DNAJC12: variants seen among roughly 807,000 people sequenced by gnomAD.
DNAJC12 encodes the protein DnaJ heat shock protein family (Hsp40) member C12.
DNAJC12 carries 25 observed loss-of-function variants against 28.5 expected under a neutral mutation model. The observed-to-expected ratio is 0.88, with a 90% CI of 0.64 to 1.22. The LOEUF (loss-of-function observed/expected upper bound fraction) is 1.22, where lower values mean the gene tolerates loss of function less well. Ranked by LOEUF, DNAJC12 falls within the 50% of genes most tolerant of loss-of-function variation. The pLI is 0.00. For synonymous variants in DNAJC12, 77 were observed against 80.6 expected (o/e 0.95, Z 0.24); for missense variants, 222 against 231.7 (o/e 0.96, Z 0.27).
At chr10:67,826,640 A>T (rs1272958259) in intron 1 of DNAJC12, among the ~76,000 whole-genome samples, 2 of 132,950 alleles carry the variant, frequency 1.5e-5, no homozygotes, top group African/African-American at 5.6e-5. Flanking sequence ...ATTATATATA[A>T]GATATCTAAT....
intron 2 of DNAJC12, among the ~76,000 whole-genome samples, chr10:67,814,367 G>A (rs1841892994): frequency 6.6e-6 from 1 of 151,620 alleles, no homozygotes; most frequent in South Asian, 2.1e-4. Flanking sequence ...GACTCAAATG[G>A]ATCACAGATC....
intron 1 of DNAJC12, among the ~76,000 whole-genome samples, chr10:67,831,522 G>T (rs905679913): frequency 1.3e-5 from 2 of 152,070 alleles, no homozygotes; most frequent in Non-Finnish European, 2.9e-5. Flanking sequence ...AGATTTCCTA[G>T]CCATACAAAT....
intron 3 of DNAJC12, among the ~76,000 whole-genome samples, chr10:67,808,854 C>A (rs1841830426): frequency 6.6e-6 from 1 of 152,154 alleles, no homozygotes; most frequent in Admixed American, 6.5e-5. Flanking sequence ...GCCTTTTGAA[C>A]CAGCAGAAGG....
At chr10:67,826,972 ATATAT>A (rs1298916154) in intron 1 of DNAJC12, among the ~76,000 whole-genome samples, 2 of 144,866 alleles carry the variant, frequency 1.4e-5, no homozygotes, top group South Asian at 2.1e-4. Flanking sequence ...ATATATCATG[ATATAT>A]TATATATATA....
intron 3 of DNAJC12, among the ~76,000 whole-genome samples, chr10:67,808,259 G>A (rs1841823252): frequency 6.6e-6 from 1 of 152,184 alleles, no homozygotes; most frequent in Admixed American, 6.5e-5. Flanking sequence ...AGAAAGGGGA[G>A]AGTCTACAGC....
At chr10:67,809,890 A>G (rs114887883) in intron 3 of DNAJC12, among the ~76,000 whole-genome samples, 2,039 of 152,272 alleles carry the variant, frequency 0.013, 52 homozygotes, top group African/African-American at 0.046. Flanking sequence ...CATAATGGGT[A>G]CAATGTATAC....
chr10:67,804,486 G>C (rs1841779249), intron 4 of DNAJC12, among the ~76,000 whole-genome samples: 1 of 152,164 alleles, frequency 6.6e-6, no homozygotes, highest in South Asian at 2.1e-4. Flanking sequence ...TCAGCCTCTT[G>C]AGTAGCTAGG....
intron 4 of DNAJC12, among the ~76,000 whole-genome samples, chr10:67,802,436 A>C (rs1841756386): frequency 6.6e-6 from 1 of 152,136 alleles, no homozygotes; most frequent in Non-Finnish European, 1.5e-5. Context: ...TCACTCACCA[A>C]TTACAGCTTG....
At chr10:67,811,111 GC>G (rs1409191507) in intron 3 of DNAJC12, 4 of 192,802 alleles carry the variant, frequency 2.1e-5, no homozygotes, top group Non-Finnish European at 2.9e-5. Flanking sequence ...ATCAGATCCT[GC>G]CTTTTTAATG....
At chr10:67,815,924 T>C in intron 2 of DNAJC12, 1 of 395,630 alleles carries the variant, frequency 2.5e-6, no homozygotes, top group Admixed American at 4.4e-5. Context: ...TTTCCTATAA[T>C]GTGACCTTTC....
chr10:67,816,123 C>A, intron 2 of DNAJC12: 1 of 398,422 alleles, frequency 2.5e-6, no homozygotes, highest in Non-Finnish European at 4.4e-6. Flanking sequence ...TGATTTAACT[C>A]CTGGGTCTAC....
intron 1 of DNAJC12, among the ~76,000 whole-genome samples, chr10:67,834,295 C>A (rs1362183552): frequency 2.0e-5 from 3 of 151,920 alleles, no homozygotes; most frequent in Non-Finnish European, 1.5e-5. Context: ...TTCTGTAAGT[C>A]AAAAATTATT....
intron 1 of DNAJC12, among the ~76,000 whole-genome samples, chr10:67,836,196 CG>C (rs1044884511): frequency 6.8e-6 from 1 of 146,426 alleles, no homozygotes; most frequent in African/African-American, 2.5e-5. Flanking sequence ...CGGGGCCTGT[CG>C]GGGGGTGGGG....
chr10:67,809,992 A>C (rs1286694564), intron 3 of DNAJC12, among the ~76,000 whole-genome samples: 2 of 152,198 alleles, frequency 1.3e-5, no homozygotes, highest in Non-Finnish European at 2.9e-5. Context: ...TCCATTTCAC[A>C]CTGCTGTAAA....
At chr10:67,801,836 CTTTTTTTTTTTTTTTTTT>C (rs577511924) in intron 4 of DNAJC12, among the ~76,000 whole-genome samples, 33 of 26,132 alleles carry the variant, frequency 1.3e-3, no homozygotes, top group African/African-American at 3.4e-3. Context: ...CCACTTCATT[CTTTTTTTTTTTTTTTTTT>C]TTTTTTTTTT....
chr10:67,818,874 C>T (rs1451813389), intron 2 of DNAJC12, among the ~76,000 whole-genome samples: 1 of 152,044 alleles, frequency 6.6e-6, no homozygotes, highest in East Asian at 1.9e-4. Flanking sequence ...AGGCTGGTCT[C>T]AAGTTCCTGA....
At chr10:67,830,610 A>AAAT (rs1842083919) in intron 1 of DNAJC12, among the ~76,000 whole-genome samples, 2 of 144,880 alleles carry the variant, frequency 1.4e-5, no homozygotes, top group South Asian at 2.2e-4. Context: ...TCCGTCTCAA[A>AAAT]AAATAAATAA....
chr10:67,835,686 C>A (rs777706032), intron 1 of DNAJC12, among the ~76,000 whole-genome samples: 6 of 145,480 alleles, frequency 4.1e-5, no homozygotes, highest in Non-Finnish European at 8.9e-5. Context: ...GAGACTCCAT[C>A]TCAAAAAAAC....
intron 2 of DNAJC12, chr10:67,815,979 G>A (rs1293561413): frequency 2.5e-6 from 1 of 397,854 alleles, no homozygotes; most frequent in Non-Finnish European, 4.4e-6. Context: ...GTGAGTTTGG[G>A]TTTATATTTT....
Sources: allele counts gnomAD v4.1 joint callset (sites outside exome capture counted in the v4.1 genomes callset), GRCh38; gene constraint gnomAD v4.1.1; transcripts MANE v1.5; gene names NCBI Gene and HGNC (gene_info 2026-07-23, HGNC 2026-07-21).